The following TTL variants were observed in gnomAD, a reference collection of about 807,000 sequenced individuals.
TTL encodes tubulin--tyrosine ligase.
TTL carries 10 observed loss-of-function variants against 41.1 expected under a neutral mutation model. The ratio of observed to expected loss-of-function variants is 0.24; its 90% CI spans 0.15 to 0.41. The LOEUF is 0.41. TTL is among the 10% of genes least tolerant of loss of function. The probability of loss-of-function intolerance (pLI) is 1.00; values close to 1 mark genes in which losing one functional copy is unlikely to be tolerated. For missense variants in TTL, 367 were observed against 460.4 expected, an observed-to-expected ratio of 0.80 and a Z score of 1.86; for synonymous variants, 175 against 175.5, an observed-to-expected ratio of 1.00 and a Z score of 0.02.
chr2:112,534,682 A>C lies in TTL; in HGVS notation c.*5887A>C, dbSNP rs1357948171. ...ATCAACAGCAATTGTTGAACATCTC[A>C]GCTTCCTAAGGTGGCTGTAACAGTT... On this transcript the variant is annotated 3_prime_UTR_variant, in exon 7 of 7. Transcript: ENST00000233336. 1 of 152,240 alleles carries C rather than the reference A, an allele frequency of 6.6e-6. No individual in the cohort carries two copies. The highest frequency in any genetic ancestry group is 1.5e-5 in the Non-Finnish European group (1 of 68,052). 9.4% of individuals were successfully genotyped at this position (152,240 alleles called of 1,614,324 possible).
Position 112,529,491 on chromosome 2 carries a change from A to G in TTL, c.*696A>G, listed in dbSNP as rs1287071633. Reference sequence around the variant, plus strand: ...CATCAAATAAGCATGAGAGAGAAAAAAACATGATATATTGCTTTACTTAAT... The same window carrying G: ...CATCAAATAAGCATGAGAGAGAAAAGAACATGATATATTGCTTTACTTAAT... On this transcript the variant is annotated 3_prime_UTR_variant, in exon 7 of 7. Transcript: ENST00000233336. The G allele has an allele frequency of 4.4e-6, 1 of 228,532 alleles. No individual in the cohort carries two copies. Among genetic ancestry groups the G allele is most frequent in the Non-Finnish European group, 8.7e-6 (1 of 114,906 alleles). 14.2% of individuals were successfully genotyped at this position (228,532 alleles called of 1,614,324 possible).
intron 5 of TTL, among the ~76,000 whole-genome samples, chr2:112,512,069 T>C (rs1681934539): frequency 6.6e-6 from 1 of 151,888 alleles, no homozygotes; most frequent in Non-Finnish European, 1.5e-5. Flanking sequence ...ATAGTTGGGT[T>C]TTGTATTTGT....
Position 112,482,295 on chromosome 2 carries a change from C to A in TTL, c.-50C>A, listed in dbSNP as rs1377972905. On this transcript the variant is annotated 5_prime_UTR_variant, in exon 1 of 7. Transcript: ENST00000233336. This position sits in a 1 kb window ranked among gnomAD's most constrained non-coding sequence, Gnocchi z 5.3. Reference sequence around the variant, plus strand: ...CCGCGCTGAGCCGCCTTCTCGGCCGCCTGGTCCCTGCGGCGGCTGCCCGGC... The same window carrying A: ...CCGCGCTGAGCCGCCTTCTCGGCCGACTGGTCCCTGCGGCGGCTGCCCGGC... 2 of 1,350,080 alleles carry A rather than the reference C, an allele frequency of 1.5e-6. No individual in the cohort carries two copies. Among genetic ancestry groups the A allele is most frequent in the Non-Finnish European group, 1.9e-6 (2 of 1,031,630 alleles). The allele number at this position is 1,350,080 out of a possible 1,614,324, so 83.6% of individuals were successfully genotyped here.
chr2:112,482,379 G>C lies in TTL; in HGVS notation c.35G>C (p.Ser12Thr), dbSNP rs1373807583. The C allele has an allele frequency of 1.3e-6, 2 of 1,585,570 alleles. No individual in the cohort carries two copies. ...TTCGTGGTACGCGATGAGAACAGCA[G>C]CGTCTACGCCGAGGTCTCCCGGCTG... The part of the protein sequence containing the change: ...YTFVVRDENS[S>T]VYAEVSRLLL... The change falls in exon 1 of 7, where the codon AGC becomes ACC. Residue 12 changes from serine (S) to threonine (T), a missense_variant. Transcript: ENST00000233336. This position sits in a 1 kb window ranked among gnomAD's most constrained non-coding sequence, Gnocchi z 5.3.
Position 112,494,201 on chromosome 2 carries a change from G to T in TTL, c.295G>T (p.Val99Leu). The T allele has an allele frequency of 1.2e-6, 2 of 1,614,174 alleles. No homozygotes were observed. The highest frequency in any genetic ancestry group is 1.7e-6 in the Non-Finnish European group (2 of 1,180,024). The part of the protein sequence containing the change: ...ESCTWFPESY[V>L]IYPTNLKTPV... ...CTGCACATGGTTCCCTGAATCTTAT[G>T]TGATTTATCCAACCAATCTCAAGAC... Residue 99 changes from valine (V) to leucine (L), a missense_variant, in exon 3 of 7, where the codon GTG becomes TTG. By Grantham distance (32) the Val-to-Leu change is conservative (BLOSUM62 1). Coordinates refer to ENST00000233336, the MANE Select transcript of TTL (RefSeq NM_153712.5).
rs2104487451 is a variant in TTL, at chr2:112,537,469, T to C, written c.*8674T>C. On this transcript the variant is annotated 3_prime_UTR_variant, in exon 7 of 7. Coordinates refer to ENST00000233336, the MANE Select transcript of TTL (RefSeq NM_153712.5). ...ATTCCTGCCAGCAGTGTATAAGCAT[T>C]CTCTTTTTTTCCTTAGCCTCTTCAG... 1 of 152,378 alleles carries C rather than the reference T, an allele frequency of 6.6e-6. No homozygotes were observed. The highest frequency in any genetic ancestry group is 1.9e-4 in the East Asian group (1 of 5,190). 9.4% of individuals were successfully genotyped at this position (152,378 alleles called of 1,614,324 possible).
chr2:112,500,571 A>G lies in TTL; in HGVS notation c.470-635A>G, dbSNP rs563578831. On this transcript the variant is annotated intron_variant, in intron 3 of 6. Coordinates refer to ENST00000233336, the MANE Select transcript of TTL (RefSeq NM_153712.5). ...GGGCGACAGAGTGAGACTCCATCTC[A>G]AAAACAAACAAACAAACAAAGAAAT... Among the ~76,000 whole-genome samples the G allele has an allele frequency of 3.9e-5, 6 of 152,062 alleles. No homozygotes were observed. In the South Asian group the frequency reaches 1.2e-3, roughly 31 times the overall value.
rs375912238 is a variant in TTL, at chr2:112,511,316, G to C, written c.875+8135G>C. The stretch of plus-strand genomic sequence containing the variant: ...GAGCCACTGCACCTGGCCTTATTCT[G>C]CTTGTTCTATTTATTACTCTTGATC... On this transcript the variant is annotated intron_variant, in intron 5 of 6. Transcript: ENST00000233336. 7.3e-5 allele frequency among the ~76,000 whole-genome samples: 11 copies of C among 151,524 alleles called. No individual in the cohort carries two copies. In the East Asian group the frequency reaches 2.0e-3, roughly 27 times the overall value.
chr2:112,482,865 G>A lies in TTL; in HGVS notation c.157+364G>A, dbSNP rs934901578. 2.0e-5 allele frequency among the ~76,000 whole-genome samples: 3 copies of A among 152,100 alleles called. No individual in the cohort carries two copies. The highest frequency in any genetic ancestry group is 7.2e-5 in the African/African-American group (3 of 41,450). On this transcript the variant is annotated intron_variant, in intron 1 of 6. Transcript: ENST00000233336. The surrounding 1 kb of genome is among the most constrained non-coding windows in gnomAD (Gnocchi z 5.3). ...TTGGCGGGTCCGCCGCGCTGGGCGC[G>A]GCTCCGCAGAGCGGGCGGCTGGAGT...
intron 2 of TTL, among the ~76,000 whole-genome samples, chr2:112,487,521 A>G (rs1212387890): frequency 6.6e-6 from 1 of 152,202 alleles, no homozygotes; most frequent in East Asian, 1.9e-4. Flanking sequence ...TAAAAAAATA[A>G]TGGTTTCCAT....
chr2:112,532,508 G>C lies in TTL; in HGVS notation c.*3713G>C, dbSNP rs1682531088. The C allele has an allele frequency of 9.3e-6, 2 of 214,560 alleles. No individual in the cohort carries two copies. The highest frequency in any genetic ancestry group is 1.9e-5 in the Non-Finnish European group (2 of 106,306). The allele number at this position is 214,560 out of a possible 1,614,324, so 13.3% of individuals were successfully genotyped here. A position where few individuals can be genotyped will look rare whatever the true frequency, so the allele number is the denominator to read the frequency against. On this transcript the variant is annotated 3_prime_UTR_variant, in exon 7 of 7. Transcript: ENST00000233336. ...TAATTAGCCGGGCATGGTGGCATGT[G>C]GTGGTGGCTGAGGTGGGAGGATCGC...
At chr2:112,498,397 C>G (rs183288481) in intron 3 of TTL, among the ~76,000 whole-genome samples, 2 of 151,788 alleles carry the variant, frequency 1.3e-5, no homozygotes, top group African/African-American at 4.8e-5. Flanking sequence ...ATAAATTTAA[C>G]AAGACATGTA....
chr2:112,503,805 C>CTTTTTTTT (rs70963002), intron 5 of TTL, among the ~76,000 whole-genome samples: 3 of 102,542 alleles, frequency 2.9e-5, no homozygotes, highest in Non-Finnish European at 5.7e-5. Context: ...CCGTAAACTT[C>CTTTTTTTT]TTTTTTTTTT....
At chr2:112,516,825 T>C (rs550455073) in intron 5 of TTL, among the ~76,000 whole-genome samples, 28 of 152,218 alleles carry the variant, frequency 1.8e-4, no homozygotes, top group African/African-American at 6.5e-4. Context: ...TAGAGCCCAG[T>C]AGAATAATTA....
intron 3 of TTL, among the ~76,000 whole-genome samples, chr2:112,498,573 G>A: frequency 6.6e-6 from 1 of 152,148 alleles, no homozygotes; most frequent in Non-Finnish European, 1.5e-5. Flanking sequence ...CAAAATGTTA[G>A]CAACATTTTT....
At chr2:112,494,926 T>C (rs971100877) in intron 3 of TTL, among the ~76,000 whole-genome samples, 2 of 152,222 alleles carry the variant, frequency 1.3e-5, no homozygotes, top group Non-Finnish European at 2.9e-5. Context: ...CCAGTTCTCC[T>C]TCCAGACAAT....
chr2:112,535,296 C>A lies in TTL; in HGVS notation c.*6501C>A, dbSNP rs1682579091. 6.6e-6 allele frequency: 1 copy of A among 151,950 alleles called. No homozygotes were observed. The highest frequency in any genetic ancestry group is 2.1e-4 in the South Asian group (1 of 4,832). 9.4% of individuals were successfully genotyped at this position (151,950 alleles called of 1,614,324 possible). On this transcript the variant is annotated 3_prime_UTR_variant, in exon 7 of 7. Coordinates refer to ENST00000233336, the MANE Select transcript of TTL (RefSeq NM_153712.5). ...CAGCAAAGAAAAATGATCAGTGCTT[C>A]AGACACCCGTCAGACACCATCAAAC... is the stretch of plus-strand genomic sequence containing the variant.
At chr2:112,518,258 T>C (rs1682125316) in intron 5 of TTL, among the ~76,000 whole-genome samples, 1 of 151,230 alleles carries the variant, frequency 6.6e-6, no homozygotes, top group Admixed American at 6.6e-5. Context: ...GGATTACAGG[T>C]GTGAGCCACC....
intron 6 of TTL, chr2:112,521,305 A>T (rs1278749411): frequency 2.0e-6 from 2 of 985,280 alleles, no homozygotes; most frequent in African/African-American, 1.7e-5. Flanking sequence ...GGCTGGTTGT[A>T]GCATGAGCGT....
Sources: allele counts gnomAD v4.1 joint callset (sites outside exome capture counted in the v4.1 genomes callset), GRCh38; gene constraint gnomAD v4.1.1; non-coding constraint Gnocchi (gnomAD v3.1); transcripts MANE v1.5; gene names NCBI Gene and HGNC (gene_info 2026-07-23, HGNC 2026-07-21).